Variants in KATNIP observed in about 807,000 individuals in gnomAD.
The protein encoded by KATNIP is katanin-interacting protein.
KATNIP carries 126 observed loss-of-function variants against 174.0 expected under a neutral mutation model. The observed-to-expected ratio is 0.72, with a 90% confidence interval of 0.63 to 0.84. The LOEUF (loss-of-function observed/expected upper bound fraction) is 0.84, where lower values mean the gene tolerates loss of function less well. KATNIP is among the 40% of genes least tolerant of loss of function. The pLI is 0.00. For synonymous variants in KATNIP, 810 were observed against 835.7 expected, an observed-to-expected ratio of 0.97 and a Z score of 0.53; for missense variants, 1,958 against 2,109.7, an observed-to-expected ratio of 0.93 and a Z score of 1.41.
chr16:27,675,188 A>G (rs746450069), intron 6 of KATNIP, among the ~76,000 whole-genome samples: 14 of 152,232 alleles, frequency 9.2e-5, no homozygotes, highest in Admixed American at 3.9e-4. Flanking sequence ...CCTCACAGTC[A>G]TGGCAGAAGG....
intron 8 of KATNIP, among the ~76,000 whole-genome samples, chr16:27,682,983 G>A (rs943579175): frequency 2.0e-5 from 3 of 152,174 alleles, no homozygotes; most frequent in African/African-American, 2.4e-5. Flanking sequence ...GAAGGCCCTC[G>A]TCAGATGCGG....
chr16:27,632,533 C>G (rs1310731190), intron 5 of KATNIP: 2 of 435,900 alleles, frequency 4.6e-6, no homozygotes, highest in Non-Finnish European at 9.5e-6. Flanking sequence ...CTTCTGATGT[C>G]AAAAGGCGAA....
chr16:27,635,479 C>T (rs751665899), intron 5 of KATNIP, among the ~76,000 whole-genome samples: 1 of 151,962 alleles, frequency 6.6e-6, no homozygotes, highest in African/African-American at 2.4e-5. Flanking sequence ...AAGATAGACA[C>T]AAACCAGGGA....
chr16:27,747,922 A>G (rs1489504206), intron 15 of KATNIP, among the ~76,000 whole-genome samples: 2 of 152,170 alleles, frequency 1.3e-5, no homozygotes, highest in Non-Finnish European at 2.9e-5. Context: ...GGAAAGTGCC[A>G]GTGGGGAAGG....
chr16:27,749,798 G>A lies in KATNIP; in HGVS notation c.2838G>A (p.Gln946=). The A allele has an allele frequency of 1.2e-6, 2 of 1,611,856 alleles. No homozygotes were observed. Among genetic ancestry groups the A allele is most frequent in the Non-Finnish European group, 1.7e-6 (2 of 1,178,710 alleles). The stretch of plus-strand genomic sequence containing the variant: ...TGCCCCCCTCCAAGAAGGGGGAGCA[G>A]CCAGGGCTGTCGAGAGGGCAGGATG... The part of the protein sequence containing the change: ...SDLPPSKKGE[Q]PGLSRGQDGY... The change falls in exon 16 of 28, where the codon CAG becomes CAA. Residue 946 remains glutamine, a synonymous_variant. Transcript: ENST00000261588.
chr16:27,560,496 G>A (rs1425605696), intron 1 of KATNIP, among the ~76,000 whole-genome samples: 2 of 152,048 alleles, frequency 1.3e-5, no homozygotes, highest in Non-Finnish European at 2.9e-5. Context: ...TTCTTCCATT[G>A]ATCATATTGG....
intron 2 of KATNIP, among the ~76,000 whole-genome samples, chr16:27,588,072 TG>T (rs1292553758): frequency 6.6e-6 from 1 of 151,908 alleles, no homozygotes; most frequent in Non-Finnish European, 1.5e-5. Context: ...TTGTATTTTT[TG>T]TAGAGACAGG....
At chr16:27,775,920 G>A (rs772172817) in intron 24 of KATNIP, among the ~76,000 whole-genome samples, 16 of 152,118 alleles carry the variant, frequency 1.1e-4, no homozygotes, top group East Asian at 1.9e-4. Flanking sequence ...CCTATTGAGC[G>A]TCCTCAGCTT....
At chr16:27,648,468 G>A (rs1013004583) in intron 5 of KATNIP, 136 bp from the exon 6 acceptor site, 4 of 1,014,762 alleles carry the variant, frequency 3.9e-6, no homozygotes, top group East Asian at 2.5e-5. Flanking sequence ...CACCACTGCT[G>A]TTGCATGCAG....
chr16:27,736,964 G>T (rs1249255580), intron 14 of KATNIP, among the ~76,000 whole-genome samples: 1 of 150,372 alleles, frequency 6.7e-6, no homozygotes, highest in Non-Finnish European at 1.5e-5. Context: ...CCACATACTG[G>T]ATATGAGTGA....
chr16:27,586,848 A>T (rs1172158496), intron 2 of KATNIP, among the ~76,000 whole-genome samples: 1 of 151,588 alleles, frequency 6.6e-6, no homozygotes, highest in Admixed American at 6.6e-5. Context: ...AAAACAAAAA[A>T]ACAAAAAACA....
At chr16:27,645,729 A>T (rs1287406738) in intron 5 of KATNIP, among the ~76,000 whole-genome samples, 1 of 152,156 alleles carries the variant, frequency 6.6e-6, no homozygotes, top group East Asian at 1.9e-4. Flanking sequence ...CAAACATCCC[A>T]TCCACATTCC....
intron 1 of KATNIP, among the ~76,000 whole-genome samples, chr16:27,555,434 T>A (rs1651658167): frequency 6.6e-6 from 1 of 152,228 alleles, no homozygotes; most frequent in African/African-American, 2.4e-5. Flanking sequence ...TGCTGTACAC[T>A]TTGACCTCTC....
At chr16:27,579,919 A>C (rs2090632028) in intron 2 of KATNIP, among the ~76,000 whole-genome samples, 1 of 151,670 alleles carries the variant, frequency 6.6e-6, no homozygotes, top group Admixed American at 6.6e-5. Flanking sequence ...ACAAGGCTAG[A>C]GGCTTCCTTC....
rs376079323 is a variant in KATNIP, at chr16:27,777,725, C to T, written c.4667C>T (p.Thr1556Ile). ...PTVPYHTILF[T>I]EDRDIRHQEK... ...GTGCCCTACCACACCATCCTCTTCA[C>T]CGAGGACAGGGACATCCGCCACCAG... The change falls in exon 26 of 28, where the codon ACC (threonine) becomes ATC (isoleucine). Residue 1556 changes from threonine to isoleucine, a missense_variant. Coordinates refer to ENST00000261588, the MANE Select transcript of KATNIP (RefSeq NM_015202.5). The surrounding 1 kb of genome is among the most constrained non-coding windows in gnomAD (Gnocchi z 4.4). 2 of 1,614,016 alleles carry T rather than the reference C, an allele frequency of 1.2e-6. No homozygotes were observed. Among genetic ancestry groups the T allele is most frequent in the African/African-American group, 2.7e-5 (2 of 74,940 alleles).
At chr16:27,577,280 G>T (rs923229926) in intron 2 of KATNIP, among the ~76,000 whole-genome samples, 2 of 152,184 alleles carry the variant, frequency 1.3e-5, no homozygotes, top group African/African-American at 4.8e-5. Flanking sequence ...GGTGGCTCAC[G>T]CCTGTTATCC....
intron 12 of KATNIP, among the ~76,000 whole-genome samples, chr16:27,705,251 C>T (rs2079256421): frequency 6.6e-6 from 1 of 152,162 alleles, no homozygotes; most frequent in South Asian, 2.1e-4. Context: ...TCCCAGCACT[C>T]CCTTCTGCCC....
At position 27,620,917 on chromosome 16, in the gene KATNIP, C is replaced by G. The variant is rs186805834; in HGVS notation, c.140+2416C>G. On this transcript the variant is annotated intron_variant, in intron 3 of 27. Coordinates refer to ENST00000261588, the MANE Select transcript of KATNIP (RefSeq NM_015202.5). ...AGCATTGTGATAAGGAAGACACAGA[C>G]TGTATTAGTATGTTTTGGCTGTAAG... Among the ~76,000 whole-genome samples the G allele has an allele frequency of 5.3e-5, 8 of 152,318 alleles. No individual in the cohort carries two copies. In the East Asian group the frequency reaches 1.5e-3, roughly 29 times the overall value.
chr16:27,584,326 G>A (rs938877846), intron 2 of KATNIP, among the ~76,000 whole-genome samples: 2 of 152,010 alleles, frequency 1.3e-5, no homozygotes, highest in African/African-American at 4.8e-5. Context: ...TTGTCCTGGA[G>A]ACAAAGGTTG....
Sources: gnomAD v4.1 joint callset for allele counts (sites outside exome capture counted in the v4.1 genomes callset) on GRCh38, gnomAD v4.1.1 for gene constraint, Gnocchi (gnomAD v3.1) non-coding constraint, MANE v1.5 for transcripts, NCBI Gene and HGNC (gene_info 2026-07-23, HGNC 2026-07-21) for gene names.